The following BBS12 variants were observed in gnomAD, a reference collection of about 807,000 sequenced individuals.
BBS12 encodes Bardet-Biedl syndrome 12, also known as chaperonin-containing T-complex member BBS12.
In BBS12, 5 loss-of-function variants were observed where a neutral mutation model predicts 5.6. The observed-to-expected ratio is 0.89, with a 90% CI of 0.46 to 1.86. BBS12 has a LOEUF of 1.86. BBS12 is among the 40% of genes most tolerant of loss of function. BBS12 has a pLI of 0.01. For synonymous variants in BBS12, 308 were observed against 306.8 expected, an observed-to-expected ratio of 1.00 and a Z score of -0.04; for missense variants, 748 against 830.4, an observed-to-expected ratio of 0.90 and a Z score of 1.22.
At position 122,743,419 on chromosome 4, in the gene BBS12, T is replaced by C; in HGVS notation, c.1527T>C (p.Thr509=). 6 of 1,614,244 alleles carry C rather than the reference T, an allele frequency of 3.7e-6. No homozygotes were observed. Among genetic ancestry groups the C allele is most frequent in the Non-Finnish European group, 5.1e-6 (6 of 1,180,038 alleles). The change falls in exon 2 of 2, where the codon ACT becomes ACC. Residue 509 remains threonine (T), a synonymous_variant. Coordinates refer to ENST00000314218, the MANE Select transcript of BBS12 (RefSeq NM_152618.3). The stretch of plus-strand genomic sequence containing the variant: ...CGGCCGTGCTCACTAACCCAGTTAC[T>C]GCACAGATGCAAATCAAAGAAGATA... The part of the protein sequence containing the change: ...LVTAVLTNPV[T]AQMQIKEDRF...
chr4:122,719,422 C>T, the BBS12 span, among the ~76,000 whole-genome samples: 1 of 152,198 alleles, frequency 6.6e-6, no homozygotes, highest in Non-Finnish European at 1.5e-5. Context: ...AAGCTTTGTT[C>T]TTTTGCTCTT....
chr4:122,711,897 T>C, the BBS12 span, among the ~76,000 whole-genome samples: 1 of 152,194 alleles, frequency 6.6e-6, no homozygotes, highest in Admixed American at 6.5e-5. Flanking sequence ...ATTAACCAGG[T>C]GTGGGGGAAT....
At chr4:122,708,607 T>A in the BBS12 span, among the ~76,000 whole-genome samples, 2 of 152,136 alleles carry the variant, frequency 1.3e-5, no homozygotes, top group Non-Finnish European at 2.9e-5. Flanking sequence ...TTTTTAAATG[T>A]CTTCTAAAAT....
chr4:122,729,265 G>T (rs988045511), upstream of BBS12: 2 of 152,274 alleles, frequency 1.3e-5, no homozygotes, highest in Non-Finnish European at 2.9e-5. Flanking sequence ...TATACGGGGT[G>T]GTAAGTTCAG....
the BBS12 span, among the ~76,000 whole-genome samples, chr4:122,702,548 G>A: frequency 6.6e-6 from 1 of 152,168 alleles, no homozygotes; most frequent in Non-Finnish European, 1.5e-5. Flanking sequence ...TGTGTATATT[G>A]GAAAAGAGGA....
the BBS12 span, among the ~76,000 whole-genome samples, chr4:122,720,014 A>G: frequency 6.6e-6 from 1 of 152,236 alleles, no homozygotes. Flanking sequence ...AAGTAACAGT[A>G]TTTATAGGCT....
upstream of BBS12, among the ~76,000 whole-genome samples, chr4:122,728,017 T>C (rs1800646373): frequency 6.6e-6 from 1 of 152,048 alleles, no homozygotes; most frequent in African/African-American, 2.4e-5. Flanking sequence ...CTGACAGAAA[T>C]CAAAAAAGTT....
the BBS12 span, among the ~76,000 whole-genome samples, chr4:122,701,658 A>G: frequency 6.6e-6 from 1 of 152,214 alleles, no homozygotes; most frequent in Non-Finnish European, 1.5e-5. Context: ...AACCCTGAGA[A>G]GTAGGCACTA....
chr4:122,735,036 A>C (rs1202568864), intron 1 of BBS12, among the ~76,000 whole-genome samples: 1 of 152,238 alleles, frequency 6.6e-6, no homozygotes, highest in African/African-American at 2.4e-5. Flanking sequence ...TAACTAAGGA[A>C]TCTACAGATT....
the BBS12 span, among the ~76,000 whole-genome samples, chr4:122,719,234 T>C: frequency 6.6e-6 from 1 of 152,112 alleles, no homozygotes; most frequent in Non-Finnish European, 1.5e-5. Context: ...CACCAATCAG[T>C]GCTCTGTGTC....
the BBS12 span, among the ~76,000 whole-genome samples, chr4:122,706,180 C>G: frequency 6.6e-6 from 1 of 152,190 alleles, no homozygotes; most frequent in Non-Finnish European, 1.5e-5. Context: ...TGCACTTTCT[C>G]TCTCTCTGTC....
chr4:122,741,541 A>G (rs1800872654), intron 1 of BBS12, among the ~76,000 whole-genome samples: 1 of 152,182 alleles, frequency 6.6e-6, no homozygotes, highest in African/African-American at 2.4e-5. Context: ...TTCCCTGAAT[A>G]CACTATGTTT....
At chr4:122,700,486 G>A in the BBS12 span, among the ~76,000 whole-genome samples, 6 of 152,198 alleles carry the variant, frequency 3.9e-5, no homozygotes, top group Non-Finnish European at 5.9e-5. Flanking sequence ...TCCATGTTCC[G>A]TCCATCCTGG....
intron 1 of BBS12, chr4:122,733,859 C>CTTTTTTTTTTTTTTTTTTTTTTTTTTT (rs35729794): frequency 1.0e-5 from 1 of 97,130 alleles, no homozygotes; most frequent in Non-Finnish European, 2.0e-5. Context: ...TAACTTTAGT[C>CTTTTTTTTTTTTTTTTTTTTTTTTTTT]TTTTTTTTTT....
At chr4:122,735,754 T>C (rs1159555345) in intron 1 of BBS12, among the ~76,000 whole-genome samples, 1 of 152,214 alleles carries the variant, frequency 6.6e-6, no homozygotes, top group Non-Finnish European at 1.5e-5. Flanking sequence ...TATACATCAT[T>C]GACTAAAATT....
rs368574610 is a variant in BBS12 at position 122,742,280 on chromosome 4, C to A, written c.388C>A (p.Leu130Ile). 1.9e-6 allele frequency: 3 copies of A among 1,613,688 alleles called. No homozygotes were observed. The African/African-American group carries it at 4.0e-5, about 22-fold the overall frequency. ...LNFCSEEVVSLHVPVHNIFDC... is the reference protein window; with the variant it reads ...LNFCSEEVVSIHVPVHNIFDC... ...CTTTTGTAGTGAAGAGGTAGTTTCT[C>A]TTCATGTACCTGTTCACAATATATT... The change falls in exon 2 of 2, where the codon CTT (leucine) becomes ATT (isoleucine). Residue 130 changes from leucine to isoleucine, a missense_variant. Transcript: ENST00000314218.
chr4:122,732,606 C>T (rs1800713658), upstream of BBS12: 1 of 152,336 alleles, frequency 6.6e-6, no homozygotes, highest in Non-Finnish European at 1.5e-5. Context: ...GAAAAAAAGG[C>T]CTTTAAACCA....
rs1477251818 is a variant in BBS12 at position 122,742,285 on chromosome 4, T to C, written c.393T>C (p.His131=). The C allele has an allele frequency of 1.2e-6, 2 of 1,613,922 alleles. No individual in the cohort carries two copies. Among genetic ancestry groups the C allele is most frequent in the South Asian group, 1.1e-5 (1 of 91,076 alleles). The change falls in exon 2 of 2, where the codon CAT becomes CAC. Residue 131 remains histidine, a synonymous_variant. Transcript: ENST00000314218. ...GTAGTGAAGAGGTAGTTTCTCTTCATGTACCTGTTCACAATATATTTGACT... is the reference window on the plus strand; with the variant it reads ...GTAGTGAAGAGGTAGTTTCTCTTCACGTACCTGTTCACAATATATTTGACT... The part of the protein sequence containing the change: ...NFCSEEVVSL[H]VPVHNIFDCM...
chr4:122,743,335 T>C lies in BBS12; in HGVS notation c.1443T>C (p.Val481=). 1 of 1,614,130 alleles carries C rather than the reference T, an allele frequency of 6.2e-7. No homozygotes were observed. The highest frequency in any genetic ancestry group is 8.5e-7 in the Non-Finnish European group (1 of 1,180,036). The change falls in exon 2 of 2, where the codon GTT becomes GTC. Residue 481 remains valine (V), a synonymous_variant. Coordinates refer to ENST00000314218, the MANE Select transcript of BBS12 (RefSeq NM_152618.3). The part of the protein sequence containing the change: ...VTFWRSSPLD[V]VDRNNRIAIL... The stretch of plus-strand genomic sequence containing the variant: ...TCTGGAGAAGCAGCCCTTTGGATGT[T>C]GTAGATAGGAACAACAGAATCGCAA...
Sources: allele counts gnomAD v4.1 joint callset (sites outside exome capture counted in the v4.1 genomes callset), GRCh38; gene constraint gnomAD v4.1.1; transcripts MANE v1.5; gene names NCBI Gene and HGNC (gene_info 2026-07-23, HGNC 2026-07-21).